Variants in KLHL28 observed in about 807,000 individuals in gnomAD.
KLHL28 encodes kelch like family member 28, also known as kelch-like protein 28.
Under a neutral mutation model 48.3 loss-of-function variants are expected in KLHL28, and 22 were observed. That is an observed-to-expected ratio of 0.46 (90% CI 0.33 to 0.65). The LOEUF is 0.65. Ranked by LOEUF, KLHL28 falls within the 30% of genes least tolerant of loss-of-function variation. The probability of loss-of-function intolerance (pLI) is 0.03; values close to 1 mark genes in which losing one functional copy is unlikely to be tolerated. For missense variants in KLHL28, 527 were observed against 704.3 expected (o/e 0.75, Z 2.85); for synonymous variants, 243 against 242.4 (o/e 1.00, Z -0.02).
At chr14:44,946,970 G>C (rs1038561206) in intron 1 of KLHL28, among the ~76,000 whole-genome samples, 1 of 152,180 alleles carries the variant, frequency 6.6e-6, no homozygotes, top group East Asian at 1.9e-4. Flanking sequence ...AGAAAGAAAA[G>C]AAAGTGGAGA....
chr14:44,931,721 G>A (rs2138583280), intron 3 of KLHL28, among the ~76,000 whole-genome samples, 180 bp from the exon 4 acceptor site: 1 of 152,270 alleles, frequency 6.6e-6, no homozygotes, highest in South Asian at 2.1e-4. Context: ...AGCTTACCTT[G>A]TAAACAAGGT....
intron 2 of KLHL28, among the ~76,000 whole-genome samples, chr14:44,942,326 C>T (rs1884136589): frequency 1.3e-5 from 2 of 152,070 alleles, no homozygotes; most frequent in African/African-American, 4.8e-5. Context: ...AAATGAATGC[C>T]CCATTCTCTA....
intron 2 of KLHL28, among the ~76,000 whole-genome samples, chr14:44,936,617 G>T (rs1459809540): frequency 6.6e-6 from 1 of 152,172 alleles, no homozygotes; most frequent in Non-Finnish European, 1.5e-5. Context: ...ATGTAGAGTA[G>T]TTACTGGGGA....
At position 44,931,463 on chromosome 14, in the gene KLHL28, C is replaced by G; in HGVS notation, c.1422G>C (p.Val474=). 6 of 1,614,016 alleles carry G rather than the reference C, an allele frequency of 3.7e-6. No homozygotes were observed. The highest frequency in any genetic ancestry group is 4.2e-6 in the Non-Finnish European group (5 of 1,179,950). Reference sequence around the variant, plus strand: ...CAAAAATAAAGCCTAGCATGACACCCACGCCAAAGTGAATCCTTTTATCTG... The same window carrying G: ...CAAAAATAAAGCCTAGCATGACACCGACGCCAAAGTGAATCCTTTTATCTG... ...SMADKRIHFG[V]GVMLGFIFVV... Residue 474 remains valine (V), a synonymous_variant, in exon 4 of 5, where the codon GTG becomes GTC. Coordinates refer to ENST00000396128, the MANE Select transcript of KLHL28 (RefSeq NM_017658.5).
Position 44,933,079 on chromosome 14 carries a change from C to A in KLHL28, c.1343+1036G>T, listed in dbSNP as rs552786832. Among the ~76,000 whole-genome samples, 4 of 152,210 alleles carry A rather than the reference C, an allele frequency of 2.6e-5. No homozygotes were observed. The South Asian group carries it at 8.3e-4, about 32-fold the overall frequency. ...ACGTATCCTCTTGTATACTTTAAAT[C>A]ATCTCTAGATTACTTATAATACTAT... On this transcript the variant is annotated intron_variant, in intron 3 of 4. Transcript: ENST00000396128.
chr14:44,928,984 A>G lies in KLHL28; in HGVS notation c.*44T>C, dbSNP rs1360790321. On this transcript the variant is annotated 3_prime_UTR_variant, in exon 5 of 5. Transcript: ENST00000396128. ...AACTGGGCCATCCGGATGTTCATGC[A>G]GTACAAGTTTCACCACCATACTATT... 1.5e-5 allele frequency: 23 copies of G among 1,584,262 alleles called. No homozygotes were observed. Among genetic ancestry groups the G allele is most frequent in the Non-Finnish European group, 2.0e-5 (23 of 1,156,752 alleles).
intron 1 of KLHL28, among the ~76,000 whole-genome samples, chr14:44,953,353 T>A (rs1210981560): frequency 1.3e-5 from 2 of 152,184 alleles, no homozygotes; most frequent in Non-Finnish European, 2.9e-5. Context: ...AATATTAGAA[T>A]AAAATACGGG....
chr14:44,944,819 G>A (rs549250425), intron 2 of KLHL28, among the ~76,000 whole-genome samples: 3 of 152,216 alleles, frequency 2.0e-5, no homozygotes, highest in Admixed American at 6.5e-5. Flanking sequence ...TGCACTTGGG[G>A]AGATGGTTAA....
intron 2 of KLHL28, among the ~76,000 whole-genome samples, chr14:44,937,624 T>C (rs911174413): frequency 1.8e-4 from 28 of 152,226 alleles, no homozygotes; most frequent in African/African-American, 6.8e-4. Context: ...CATTAGTCCT[T>C]ATGGTCTTTT....
chr14:44,941,138 A>C (rs556150734), intron 2 of KLHL28, among the ~76,000 whole-genome samples: 8 of 152,000 alleles, frequency 5.3e-5, no homozygotes, highest in East Asian at 1.9e-4. Flanking sequence ...ACAAAAAAAA[A>C]CTCATGTCTC....
chr14:44,960,988 T>C, intron 1 of KLHL28: 3 of 1,013,808 alleles, frequency 3.0e-6, no homozygotes, highest in South Asian at 1.4e-5. Context: ...AAAGTAATAG[T>C]ATTATTCCTT....
chr14:44,945,197 A>C lies in KLHL28; in HGVS notation c.732T>G (p.Ile244Met). The C allele has an allele frequency of 6.2e-7, 1 of 1,614,160 alleles. No individual in the cohort carries two copies. The highest frequency in any genetic ancestry group is 1.1e-5 in the South Asian group (1 of 91,076). The stretch of plus-strand genomic sequence containing the variant: ...GATGTTTACAAGTGCGATCATCACG[A>C]ATAAGATGATTTGCTTCATATAGTC... ...LTRLYEANHL[I>M]RDDRTCKHLL... is the part of the protein sequence containing the mutation. The change falls in exon 2 of 5, where the codon ATT (isoleucine) becomes ATG (methionine). Residue 244 changes from isoleucine (I) to methionine (M), a missense_variant. Transcript: ENST00000396128.
intron 2 of KLHL28, among the ~76,000 whole-genome samples, chr14:44,937,168 C>T (rs1373674327): frequency 3.5e-5 from 5 of 141,968 alleles, no homozygotes; most frequent in Admixed American, 7.3e-5. Flanking sequence ...TTTTTTGAGA[C>T]GGAGTCTCAC....
chr14:44,936,707 A>G (rs1372991646), intron 2 of KLHL28, among the ~76,000 whole-genome samples: 4 of 152,234 alleles, frequency 2.6e-5, no homozygotes, highest in Non-Finnish European at 5.9e-5. Flanking sequence ...AGATGTAGCC[A>G]TGGCCTAAGT....
intron 1 of KLHL28, 57 bp from the exon 2 acceptor site, chr14:44,945,985 C>T: frequency 1.5e-6 from 2 of 1,369,128 alleles, no homozygotes; most frequent in South Asian, 2.5e-5. Context: ...GTCAAAAACA[C>T]TGCTTTTCAA....
intron 1 of KLHL28, among the ~76,000 whole-genome samples, chr14:44,961,367 G>C (rs1005921997): frequency 6.6e-6 from 1 of 152,102 alleles, no homozygotes; most frequent in African/African-American, 2.4e-5. Context: ...TTTTGATAAC[G>C]TCTAAGGGAG....
intron 1 of KLHL28, among the ~76,000 whole-genome samples, chr14:44,953,285 C>T (rs185135136): frequency 1.7e-4 from 26 of 152,108 alleles, no homozygotes; most frequent in Admixed American, 4.6e-4. Flanking sequence ...CATACCTACA[C>T]CAACAGGATA....
chr14:44,955,047 C>A (rs931684622), intron 1 of KLHL28, among the ~76,000 whole-genome samples: 2 of 151,926 alleles, frequency 1.3e-5, no homozygotes, highest in Non-Finnish European at 2.9e-5. Context: ...TGCTATAAAG[C>A]AAATGAGTAA....
At position 44,954,266 on chromosome 14, in the gene KLHL28, AC is replaced by A. The variant is rs564931810; in HGVS notation, c.-1+7579del. Among the ~76,000 whole-genome samples the A allele has an allele frequency of 5.7e-4, 86 of 152,164 alleles. 1 individual carries two copies. The highest frequency in any genetic ancestry group is 8.5e-4 in the Admixed American group (13 of 15,278). ...TTTGGATTTTTCCTTTGACCCAAAAACCCTACTTCTAAGAATCTATCCAAAA... is the reference window on the plus strand; with the variant it reads ...TTTGGATTTTTCCTTTGACCCAAAAACCTACTTCTAAGAATCTATCCAAAA... On this transcript the variant is annotated intron_variant, in intron 1 of 4. Transcript: ENST00000396128.
Sources: gnomAD v4.1 joint callset for allele counts (sites outside exome capture counted in the v4.1 genomes callset) on GRCh38, gnomAD v4.1.1 for gene constraint, MANE v1.5 for transcripts, NCBI Gene and HGNC (gene_info 2026-07-23, HGNC 2026-07-21) for gene names.